Variants in NDST3 observed in about 807,000 individuals in gnomAD.
NDST3 encodes bifunctional heparan sulfate N-deacetylase/N-sulfotransferase 3.
NDST3 carries 58 observed loss-of-function variants against 96.1 expected under a neutral mutation model. The ratio of observed to expected loss-of-function variants is 0.60; its 90% CI spans 0.49 to 0.75. The LOEUF (loss-of-function observed/expected upper bound fraction) is 0.75. Ranked by LOEUF, NDST3 falls within the 30% of genes least tolerant of loss-of-function variation. The probability of loss-of-function intolerance (pLI) is 0.00; values close to 1 mark genes in which losing one functional copy is unlikely to be tolerated. For missense variants in NDST3, 788 were observed against 1,034.2 expected, an observed-to-expected ratio of 0.76 and a Z score of 3.27; for synonymous variants, 333 against 359.7, an observed-to-expected ratio of 0.93 and a Z score of 0.84.
At chr4:118,074,224 G>A (rs1259252873) in intron 2 of NDST3, among the ~76,000 whole-genome samples, 1 of 152,128 alleles carries the variant, frequency 6.6e-6, no homozygotes, top group African/African-American at 2.4e-5. Context: ...TATATGCCAT[G>A]TGCAAATGTG....
At position 118,038,679 on chromosome 4, in the gene NDST3, CCCA is replaced by C. The variant is rs145995278; in HGVS notation, c.-156+4089_-156+4091del. 1.1e-3 allele frequency among the ~76,000 whole-genome samples: 161 copies of C among 152,248 alleles called. 1 individual carries two copies. In the East Asian group the frequency reaches 0.029, roughly 27 times the overall value. ...AGTCCATGTAACATATTTGAGGCCT[CCCA>C]CTGCATTTTTCAACATTATAAAATA... On this transcript the variant is annotated intron_variant, in intron 1 of 13. Transcript: ENST00000296499.
chr4:118,047,123 C>T (rs1316803962), intron 1 of NDST3, among the ~76,000 whole-genome samples: 2 of 152,184 alleles, frequency 1.3e-5, no homozygotes, highest in Non-Finnish European at 2.9e-5. Context: ...CTACTGGATC[C>T]CAGCCCAAAC....
intron 2 of NDST3, among the ~76,000 whole-genome samples, chr4:118,068,747 TA>T (rs1301285050): frequency 1.3e-5 from 2 of 152,114 alleles, no homozygotes; most frequent in Admixed American, 1.3e-4. Flanking sequence ...TGGGTCCTAT[TA>T]TTTTTTCCTG....
At chr4:118,228,396 C>T (rs1246168295) in intron 8 of NDST3, among the ~76,000 whole-genome samples, 1 of 152,126 alleles carries the variant, frequency 6.6e-6, no homozygotes, top group Non-Finnish European at 1.5e-5. Context: ...CTGCAGGATT[C>T]GCTTCCTCTC....
chr4:118,201,177 A>G lies in NDST3; in HGVS notation c.1540-23314A>G, dbSNP rs185370787. Reference sequence around the variant, plus strand: ...GTATATACAGCATTTTCTTTATTCAATCCACCACTGATGGGCAGCTAGGTT... The same window carrying G: ...GTATATACAGCATTTTCTTTATTCAGTCCACCACTGATGGGCAGCTAGGTT... On this transcript the variant is annotated intron_variant, in intron 6 of 13. Transcript: ENST00000296499. Among the ~76,000 whole-genome samples the G allele has an allele frequency of 1.8e-3, 270 of 152,308 alleles. No individual in the cohort carries two copies. The Middle Eastern group carries it at 0.024, about 13-fold the overall frequency.
At chr4:118,192,194 C>G (rs573816416) in intron 6 of NDST3, among the ~76,000 whole-genome samples, 2 of 152,270 alleles carry the variant, frequency 1.3e-5, no homozygotes, top group South Asian at 4.1e-4. Flanking sequence ...AATCCCTTGT[C>G]AGATGGGGAG....
At chr4:118,057,193 T>C (rs540620141) in intron 2 of NDST3, among the ~76,000 whole-genome samples, 2 of 152,124 alleles carry the variant, frequency 1.3e-5, no homozygotes, top group South Asian at 2.1e-4. Flanking sequence ...GAATTTGTCA[T>C]GAAAGAGAAT....
At position 118,220,201 on chromosome 4, in the gene NDST3, C is replaced by G. The variant is rs1315647051; in HGVS notation, c.1540-4290C>G. Among the ~76,000 whole-genome samples, 10 of 151,962 alleles carry G rather than the reference C, an allele frequency of 6.6e-5. No homozygotes were observed. In the East Asian group the frequency reaches 1.9e-3, roughly 29 times the overall value. On this transcript the variant is annotated intron_variant, in intron 6 of 13. Transcript: ENST00000296499. ...ATTTAAAATAGCAGACACGTGGAAC[C>G]AACCCAAATGCCCAACAATGATAGA...
At chr4:118,064,954 C>T (rs1373563891) in intron 2 of NDST3, among the ~76,000 whole-genome samples, 2 of 152,120 alleles carry the variant, frequency 1.3e-5, no homozygotes, top group Non-Finnish European at 2.9e-5. Flanking sequence ...ACTCTCTGTG[C>T]CTTATTTCAT....
chr4:118,220,910 T>C (rs181799007), intron 6 of NDST3, among the ~76,000 whole-genome samples: 3 of 152,198 alleles, frequency 2.0e-5, no homozygotes, highest in African/African-American at 7.2e-5. Flanking sequence ...CTGAGTTAGA[T>C]CTTTCCTATA....
rs1742080124 is a variant in NDST3, at chr4:118,255,729, G to A, written c.*17G>A. On this transcript the variant is annotated 3_prime_UTR_variant, in exon 14 of 14. Coordinates refer to ENST00000296499, the MANE Select transcript of NDST3 (RefSeq NM_004784.3). ...GTAAGATAGCACTGAGAGAAAACTT[G>A]AGACTTCATCGTCCATGTAGAACAC... 6.2e-7 allele frequency: 1 copy of A among 1,603,030 alleles called. No homozygotes were observed. The highest frequency in any genetic ancestry group is 8.5e-7 in the Non-Finnish European group (1 of 1,174,306).
chr4:118,076,178 T>C (rs1441844904), intron 2 of NDST3, among the ~76,000 whole-genome samples: 1 of 152,208 alleles, frequency 6.6e-6, no homozygotes, highest in Non-Finnish European at 1.5e-5. Context: ...GTTAGCCTGA[T>C]AGGTTTCCCT....
intron 2 of NDST3, among the ~76,000 whole-genome samples, chr4:118,090,404 T>C (rs1179251226): frequency 6.6e-6 from 1 of 152,000 alleles, no homozygotes; most frequent in Non-Finnish European, 1.5e-5. Context: ...TGCCCCATCC[T>C]ATCAATGCCC....
Position 118,250,426 on chromosome 4 carries a change from C to T in NDST3, c.2400-3073C>T, listed in dbSNP as rs182962861. On this transcript the variant is annotated intron_variant, in intron 12 of 13. Transcript: ENST00000296499. ...TTCCTTAATGATGAATGATGTTCAG[C>T]AAATTTTCATTTGTTCATTGACCAT... Among the ~76,000 whole-genome samples, 9 of 151,466 alleles carry T rather than the reference C, an allele frequency of 5.9e-5. No individual in the cohort carries two copies. In the East Asian group the frequency reaches 1.7e-3, roughly 29 times the overall value.
At chr4:118,168,329 A>G (rs1735691948) in intron 6 of NDST3, among the ~76,000 whole-genome samples, 1 of 152,058 alleles carries the variant, frequency 6.6e-6, no homozygotes, top group African/African-American at 2.4e-5. Flanking sequence ...TTATAGGTCA[A>G]TGCTCCTGAT....
intron 6 of NDST3, among the ~76,000 whole-genome samples, chr4:118,169,111 T>C (rs1353402201): frequency 1.3e-5 from 2 of 150,192 alleles, no homozygotes; most frequent in African/African-American, 5.0e-5. Flanking sequence ...TGTTATATTG[T>C]TGTATTTTTT....
intron 4 of NDST3, among the ~76,000 whole-genome samples, chr4:118,121,643 CAT>C (rs779111800): frequency 3.3e-5 from 5 of 152,002 alleles, no homozygotes; most frequent in Admixed American, 6.6e-5. Flanking sequence ...GTATTTCTGA[CAT>C]AGATTCAATA....
intron 6 of NDST3, among the ~76,000 whole-genome samples, chr4:118,161,220 T>C (rs577104429): frequency 3.5e-4 from 53 of 152,282 alleles, no homozygotes; most frequent in Middle Eastern, 3.4e-3. Context: ...TGTCTGATCA[T>C]TCCTCTGGAA....
intron 6 of NDST3, among the ~76,000 whole-genome samples, chr4:118,159,395 G>A (rs1032387970): frequency 7.2e-5 from 11 of 152,186 alleles, no homozygotes; most frequent in African/African-American, 2.4e-4. Context: ...TGTATCCACA[G>A]ACTAGAGGTG....
Sources: gnomAD v4.1 joint callset for allele counts (sites outside exome capture counted in the v4.1 genomes callset) on GRCh38, gnomAD v4.1.1 for gene constraint, MANE v1.5 for transcripts, NCBI Gene and HGNC (gene_info 2026-07-23, HGNC 2026-07-21) for gene names.